The following DNAH12 variants were observed in gnomAD, a reference collection of about 807,000 sequenced individuals.
DNAH12 encodes the protein dynein axonemal heavy chain 12.
Under a neutral mutation model 371.5 loss-of-function variants are expected in DNAH12, and 285 were observed. That is an observed-to-expected ratio of 0.77 (90% confidence interval 0.70 to 0.85). DNAH12 has a LOEUF of 0.85. DNAH12 is among the 40% of genes least tolerant of loss of function. DNAH12 has a pLI of 0.00. For synonymous variants in DNAH12, 1,200 were observed against 1,213.0 expected (o/e 0.99, Z 0.22); for missense variants, 3,611 against 3,689.4 (o/e 0.98, Z 0.55).
intron 55 of DNAH12, among the ~76,000 whole-genome samples, chr3:57,373,183 C>T (rs2063211162): frequency 6.6e-6 from 1 of 152,160 alleles, no homozygotes; most frequent in East Asian, 1.9e-4. Flanking sequence ...ATGTTTGTTA[C>T]TCTGGCTTGG....
chr3:57,348,079 A>AT (rs1229422886), intron 60 of DNAH12, among the ~76,000 whole-genome samples: 5 of 152,220 alleles, frequency 3.3e-5, no homozygotes, highest in African/African-American at 1.2e-4. Context: ...TGTTTGTAGC[A>AT]TATTATTCAT....
chr3:57,435,374 A>C (rs78878863), intron 30 of DNAH12, among the ~76,000 whole-genome samples: 395 of 12,084 alleles, frequency 0.033, 8 homozygotes, highest in Middle Eastern at 0.077. Context: ...TCTGTCTCCC[A>C]AAAAAAAAAA....
intron 2 of DNAH12, 39 bp from the exon 3 acceptor site, chr3:57,523,923 A>G (rs2068541172): frequency 1.4e-6 from 2 of 1,397,152 alleles, no homozygotes; most frequent in Admixed American, 2.0e-5. Flanking sequence ...TCTTGATAAC[A>G]TTAGCATAAG....
At chr3:57,315,312 A>T (rs1247853605) in intron 65 of DNAH12, among the ~76,000 whole-genome samples, 1 of 151,684 alleles carries the variant, frequency 6.6e-6, no homozygotes, top group Non-Finnish European at 1.5e-5. Context: ...CATATAATGC[A>T]GTAGTAGACA....
intron 65 of DNAH12, among the ~76,000 whole-genome samples, chr3:57,316,550 A>C (rs1367090241): frequency 6.6e-6 from 1 of 151,988 alleles, no homozygotes; most frequent in South Asian, 2.1e-4. Context: ...CACCTCCAAC[A>C]CTGGGCTGAG....
intron 25 of DNAH12, 79 bp downstream of exon 25, chr3:57,452,764 G>C (rs1004609010): frequency 7.6e-7 from 1 of 1,319,148 alleles, no homozygotes; most frequent in Admixed American, 2.8e-5. Context: ...AACTACTCCA[G>C]GTAAGACAAG....
intron 13 of DNAH12, among the ~76,000 whole-genome samples, chr3:57,476,140 A>G (rs571832363): frequency 3.9e-5 from 6 of 152,358 alleles, no homozygotes; most frequent in African/African-American, 1.4e-4. Context: ...AACATTGATG[A>G]GAGGCAAAAG....
In DNAH12 at chr3:57,322,999, A is replaced by C. The variant is rs1371766907; in HGVS notation, c.10383+8T>G. 1.3e-6 allele frequency: 2 copies of C among 1,551,474 alleles called. No individual in the cohort carries two copies. Among genetic ancestry groups the C allele is most frequent in the East Asian group, 4.9e-5 (2 of 40,918 alleles). ...AATGTACTTAACTCTATAAGGAAAT[A>C]AACATACTTTTGAAGATGGATAGCT... On this transcript the variant is annotated splice_region_variant and intron_variant, in intron 64 of 73. Transcript: ENST00000495027.
At chr3:57,457,317 T>C (rs2065929026) in intron 22 of DNAH12, among the ~76,000 whole-genome samples, 1 of 152,206 alleles carries the variant, frequency 6.6e-6, no homozygotes, top group South Asian at 2.1e-4. Flanking sequence ...ATTTGTCTTC[T>C]TTCAGGATCT....
In DNAH12 at chr3:57,462,225, TG is replaced by T. The variant is rs200115999; in HGVS notation, c.2535+464del. On this transcript the variant is annotated intron_variant, in intron 18 of 73. Transcript: ENST00000495027. ...ATTCAGGACAAGTAAGTACACACTT[TG>T]GGGGGGAGGAAAGAGTGTTTTGTTT... 8.7e-3 allele frequency among the ~76,000 whole-genome samples: 1,210 copies of T among 139,488 alleles called. 15 individuals carry two copies. The highest frequency in any genetic ancestry group is 0.03 in the African/African-American group (1,130 of 37,536). 91.5% of individuals were successfully genotyped at this position (139,488 alleles called of 152,430 possible). A position where few individuals can be genotyped will look rare whatever the true frequency, so the allele number is the denominator to read the frequency against.
At chr3:57,404,445 G>C (rs1411610253) in intron 42 of DNAH12, among the ~76,000 whole-genome samples, 6 of 152,200 alleles carry the variant, frequency 3.9e-5, no homozygotes, top group South Asian at 2.1e-4. Context: ...GCCAGGTGTG[G>C]TGGCTCACAT....
At chr3:57,334,428 T>C (rs769380532) in intron 62 of DNAH12, 37 bp downstream of exon 62, 1 of 1,514,362 alleles carries the variant, frequency 6.6e-7, no homozygotes. Flanking sequence ...AAATGGCAAA[T>C]TATCTGGGTT....
chr3:57,446,799 T>G (rs1047662858), intron 25 of DNAH12, 110 bp from the exon 26 acceptor site: 34 of 1,105,778 alleles, frequency 3.1e-5, no homozygotes, highest in Non-Finnish European at 3.5e-5. Flanking sequence ...GAGAAGCCAT[T>G]ATATAATTAC....
intron 2 of DNAH12, among the ~76,000 whole-genome samples, chr3:57,535,524 T>A (rs1359814735): frequency 6.6e-6 from 1 of 152,062 alleles, no homozygotes. Context: ...AACCTCTATT[T>A]TTTTTATATT....
chr3:57,354,840 G>A (rs2062761054), intron 59 of DNAH12, among the ~76,000 whole-genome samples: 1 of 152,084 alleles, frequency 6.6e-6, no homozygotes, highest in Admixed American at 6.5e-5. Context: ...CAAATCCCTG[G>A]AGAATTATGC....
chr3:57,550,846 A>AT, the DNAH12 span, among the ~76,000 whole-genome samples: 11 of 148,460 alleles, frequency 7.4e-5, no homozygotes, highest in East Asian at 2.0e-4. Context: ...AAAGTTTTTC[A>AT]TTTTTTTTGT....
intron 28 of DNAH12, 56 bp from the exon 29 acceptor site, chr3:57,444,872 C>T (rs1056754460): frequency 5.7e-5 from 86 of 1,514,888 alleles, no homozygotes; most frequent in Admixed American, 1.3e-4. Flanking sequence ...TGCAACCCCA[C>T]TTCTCCCTCC....
At chr3:57,415,112 C>T (rs116576152) in intron 38 of DNAH12, among the ~76,000 whole-genome samples, 3,613 of 151,978 alleles carry the variant, frequency 0.024, 69 homozygotes, top group Admixed American at 0.035. Context: ...CCCACCCCTG[C>T]CCCACCCTAT....
chr3:57,333,497 A>T (rs2062155484), intron 62 of DNAH12, among the ~76,000 whole-genome samples: 1 of 151,654 alleles, frequency 6.6e-6, no homozygotes, highest in South Asian at 2.1e-4. Context: ...TGCCTGGCTA[A>T]TTTTTGTATT....
Sources: gnomAD v4.1 joint callset for allele counts (sites outside exome capture counted in the v4.1 genomes callset) on GRCh38, gnomAD v4.1.1 for gene constraint, MANE v1.5 for transcripts, NCBI Gene and HGNC (gene_info 2026-07-23, HGNC 2026-07-21) for gene names.